DIDO1: variants seen among roughly 807,000 people sequenced by gnomAD.
DIDO1 encodes the protein death inducer-obliterator 1.
Under a neutral mutation model 99.4 loss-of-function variants are expected in DIDO1, and 16 were observed. The ratio of observed to expected loss-of-function variants is 0.16; its 90% CI spans 0.11 to 0.24. The LOEUF (loss-of-function observed/expected upper bound fraction) is 0.24, where lower values mean the gene tolerates loss of function less well. Among genes scored for constraint, DIDO1 ranks in the 10% least tolerant of loss-of-function variants. DIDO1 has a pLI of 1.00. For synonymous variants in DIDO1, 1,366 were observed against 1,239.1 expected, an observed-to-expected ratio of 1.10 and a Z score of -2.15; for missense variants, 2,996 against 3,014.0, an observed-to-expected ratio of 0.99 and a Z score of 0.14.
At chr20:62,923,101 A>T (rs947117328) in intron 1 of DIDO1, among the ~76,000 whole-genome samples, 3 of 152,232 alleles carry the variant, frequency 2.0e-5, no homozygotes, top group African/African-American at 7.2e-5. Flanking sequence ...TCCTGGCTTC[A>T]AGGGGTCCTC....
At chr20:62,908,610 ATTT>A (rs1241859466) in intron 4 of DIDO1, among the ~76,000 whole-genome samples, 3 of 152,224 alleles carry the variant, frequency 2.0e-5, no homozygotes, top group Non-Finnish European at 4.4e-5. Context: ...CAAATTAAAT[ATTT>A]AACATAATCA....
rs771159004 is a variant in DIDO1, at chr20:62,909,816, G to C, written c.1044C>G (p.Thr348=). The change falls in exon 4 of 16, where the codon ACC becomes ACG. Residue 348 remains threonine, a synonymous_variant. Transcript: ENST00000395343. ...AKWRPGDADG[T]DCTSIGTIEQ... is the part of the protein sequence containing the mutation. Reference sequence around the variant, plus strand: ...CTATTGTTCCTATACTTGTACAATCGGTGCCATCAGCATCTCCAGGTCTCC... The same window carrying C: ...CTATTGTTCCTATACTTGTACAATCCGTGCCATCAGCATCTCCAGGTCTCC... 1.1e-5 allele frequency: 18 copies of C among 1,613,992 alleles called. No individual in the cohort carries two copies. The East Asian group carries it at 4.0e-4, about 36-fold the overall frequency.
chr20:62,930,214 CAAACA>C (rs1395264935), upstream of DIDO1, among the ~76,000 whole-genome samples: 1 of 127,320 alleles, frequency 7.9e-6, no homozygotes, highest in Non-Finnish European at 1.6e-5. Context: ...AAGAAACAAA[CAAACA>C]AAAAAAAAAA....
chr20:62,883,143 C>G (rs1055415911), intron 15 of DIDO1, among the ~76,000 whole-genome samples: 1 of 151,586 alleles, frequency 6.6e-6, no homozygotes. Context: ...AGGCTGGTCT[C>G]GAACTCCTGA....
chr20:62,889,569 C>T (rs951146664), intron 15 of DIDO1: 97 of 985,314 alleles, frequency 9.8e-5, no homozygotes, highest in Middle Eastern at 1.0e-3. Context: ...CACACACTGT[C>T]GCACTTGCAA....
chr20:62,890,780 C>T, intron 15 of DIDO1, 180 bp downstream of exon 15: 2 of 1,447,372 alleles, frequency 1.4e-6, no homozygotes, highest in Non-Finnish European at 9.1e-7. Flanking sequence ...ATCAGGGGTA[C>T]TTCTCGTGCC....
In DIDO1 at chr20:62,881,717, A is replaced by C. The variant is rs769302795; in HGVS notation, c.4239T>G (p.Ala1413=). 3 of 1,612,894 alleles carry C rather than the reference A, an allele frequency of 1.9e-6. No homozygotes were observed. In the South Asian group the frequency reaches 3.3e-5, roughly 18 times the overall value. ...ERGRRHEVER[A]PEAAAAEREE... is the part of the protein sequence containing the mutation. ...CCCGCTCGGCTGCAGCTGCTTCAGG[A>C]GCCCTTTCCACCTCGTGGCGCCGCC... The change falls in exon 16 of 16, where the codon GCT becomes GCG. Residue 1413 remains alanine (A), a synonymous_variant. Transcript: ENST00000395343. The surrounding 1 kb of genome is among the most constrained non-coding windows in gnomAD (Gnocchi z 8.3).
At chr20:62,903,320 G>A (rs953871386) in intron 6 of DIDO1, among the ~76,000 whole-genome samples, 4 of 152,196 alleles carry the variant, frequency 2.6e-5, no homozygotes, top group African/African-American at 9.6e-5. Flanking sequence ...AGTGCCATGG[G>A]AAGGACAGGA....
chr20:62,891,887 C>T (rs1402509110), intron 14 of DIDO1, 100 bp downstream of exon 14: 2 of 966,200 alleles, frequency 2.1e-6, no homozygotes, highest in Non-Finnish European at 3.0e-6. Context: ...TACAGGCTAA[C>T]ATTTTAAGTG....
chr20:62,880,587 T>A lies in DIDO1; in HGVS notation c.5369A>T (p.Asp1790Val). The change falls in exon 16 of 16, where the codon GAT (aspartate) becomes GTT (valine). Residue 1790 changes from aspartate to valine, a missense_variant. Asp to Val is a radical substitution (Grantham distance 152). Transcript: ENST00000395343. ...PFPEENIASN[D>V]GPRGPPPARF... ...GGCTGGCGGAGGCCCTCGTGGCCCA[T>A]CGTTAGAAGCGATATTCTCTTCTGG... 6.2e-7 allele frequency: 1 copy of A among 1,612,852 alleles called. No homozygotes were observed. Among genetic ancestry groups the A allele is most frequent in the Non-Finnish European group, 8.5e-7 (1 of 1,179,974 alleles).
At chr20:62,897,880 C>G (rs2064573271) in intron 6 of DIDO1, among the ~76,000 whole-genome samples, 1 of 152,190 alleles carries the variant, frequency 6.6e-6, no homozygotes, top group Non-Finnish European at 1.5e-5. Flanking sequence ...GGGCAGGGAT[C>G]CAGCTAGTGG....
chr20:62,904,881 C>G (rs1173338953), intron 6 of DIDO1: 2 of 653,674 alleles, frequency 3.1e-6, no homozygotes, highest in Non-Finnish European at 3.8e-6. Flanking sequence ...CTTAGGGAAT[C>G]TGCTCAAAGT....
intron 1 of DIDO1, among the ~76,000 whole-genome samples, chr20:62,935,934 A>T (rs1463017886): frequency 6.6e-6 from 1 of 152,220 alleles, no homozygotes; most frequent in Admixed American, 6.5e-5. Context: ...GCCAGTTTCT[A>T]GAGAGGATTA....
intron 1 of DIDO1, among the ~76,000 whole-genome samples, chr20:62,914,660 C>G (rs1316305106): frequency 1.3e-5 from 2 of 152,046 alleles, no homozygotes; most frequent in African/African-American, 4.8e-5. Context: ...CCAGGCTTGC[C>G]CCAGGGAGGC....
intron 13 of DIDO1, among the ~76,000 whole-genome samples, chr20:62,892,595 C>T (rs1214800283): frequency 6.6e-6 from 1 of 152,216 alleles, no homozygotes; most frequent in East Asian, 1.9e-4. Flanking sequence ...ACATTTCCGA[C>T]CCTGTCCAAA....
At chr20:62,891,431 G>A (rs1259315705) in intron 14 of DIDO1, among the ~76,000 whole-genome samples, 2 of 152,176 alleles carry the variant, frequency 1.3e-5, no homozygotes, top group African/African-American at 4.8e-5. Context: ...CCTAGAGGGG[G>A]TTAAACTAGA....
At chr20:62,927,512 G>C (rs1357265658), upstream of DIDO1, among the ~76,000 whole-genome samples, 1 of 152,224 alleles carries the variant, frequency 6.6e-6, no homozygotes, top group African/African-American at 2.4e-5. Flanking sequence ...CTTGCTCCGA[G>C]GGCAGGGACC....
chr20:62,901,741 C>A (rs2064686706), intron 6 of DIDO1, among the ~76,000 whole-genome samples: 1 of 148,952 alleles, frequency 6.7e-6, no homozygotes, highest in Non-Finnish European at 1.5e-5. Flanking sequence ...AGCAAAAATT[C>A]TTGTCAATAT....
intron 6 of DIDO1, 126 bp from the exon 7 acceptor site, chr20:62,897,122 T>A: frequency 2.4e-6 from 2 of 830,792 alleles, no homozygotes; most frequent in Non-Finnish European, 3.7e-6. Flanking sequence ...AGGATACACA[T>A]AGAGAAAAGG....
Sources: allele counts gnomAD v4.1 joint callset (sites outside exome capture counted in the v4.1 genomes callset), GRCh38; gene constraint gnomAD v4.1.1; non-coding constraint Gnocchi (gnomAD v3.1); transcripts MANE v1.5; gene names NCBI Gene and HGNC (gene_info 2026-07-23, HGNC 2026-07-21).